SMARCA5: variants seen among roughly 807,000 people sequenced by gnomAD.
SMARCA5 encodes SNF2 related chromatin remodeling ATPase 5, also known as SWI/SNF-related matrix-associated actin-dependent regulator of chromatin subfamily A member 5.
Under a neutral mutation model 140.4 loss-of-function variants are expected in SMARCA5, and 18 were observed. The ratio of observed to expected loss-of-function variants is 0.13; its 90% CI spans 0.09 to 0.19. The LOEUF (loss-of-function observed/expected upper bound fraction) is 0.19, where lower values mean the gene tolerates loss of function less well. SMARCA5 is among the 10% of genes least tolerant of loss of function. The pLI is 1.00. For missense variants in SMARCA5, 606 were observed against 1,276.8 expected, an observed-to-expected ratio of 0.47 and a Z score of 8.01; for synonymous variants, 449 against 419.6, an observed-to-expected ratio of 1.07 and a Z score of -0.86.
intron 6 of SMARCA5, 47 bp from the exon 7 acceptor site, chr4:143,527,821 G>A (rs746624664): frequency 1.3e-6 from 2 of 1,504,514 alleles, no homozygotes; most frequent in Non-Finnish European, 1.8e-6. Context: ...TAAATGTAAT[G>A]CGTAGTTTAT....
intron 2 of SMARCA5, among the ~76,000 whole-genome samples, chr4:143,520,747 G>T (rs1011502371): frequency 1.3e-5 from 2 of 151,760 alleles, no homozygotes; most frequent in Non-Finnish European, 2.9e-5. Flanking sequence ...CTGCCTAATG[G>T]CTCCCAATTT....
intron 8 of SMARCA5, among the ~76,000 whole-genome samples, chr4:143,528,923 CATTATT>C (rs939853711): frequency 6.6e-6 from 1 of 151,736 alleles, no homozygotes; most frequent in Non-Finnish European, 1.5e-5. Context: ...AATCTTATTT[CATTATT>C]ATTATTATTA....
rs141190096 is a variant in SMARCA5 at position 143,538,272 on chromosome 4, T to C, written c.1496-318T>C. Among the ~76,000 whole-genome samples, 480 of 152,266 alleles carry C rather than the reference T, an allele frequency of 3.2e-3. 2 individuals carry two copies. Among genetic ancestry groups the C allele is most frequent in the African/African-American group, 0.011 (467 of 41,540 alleles). The stretch of plus-strand genomic sequence containing the variant: ...GGAGTCATATGCATTGAAGAGTTGT[T>C]GTGAAGTAGTGGAAAGTTATTTTTA... On this transcript the variant is annotated intron_variant, in intron 11 of 23. Coordinates refer to ENST00000283131, the MANE Select transcript of SMARCA5 (RefSeq NM_003601.4).
intron 23 of SMARCA5, among the ~76,000 whole-genome samples, 173 bp downstream of exon 23, chr4:143,550,277 G>T: frequency 7.4e-6 from 1 of 135,670 alleles, no homozygotes; most frequent in South Asian, 2.3e-4. Context: ...CATAATTTGA[G>T]ATTCTTCCAC....
chr4:143,529,217 G>C (rs889705331), intron 8 of SMARCA5, among the ~76,000 whole-genome samples: 4 of 152,106 alleles, frequency 2.6e-5, no homozygotes, highest in African/African-American at 9.7e-5. Context: ...TTACAGGCAC[G>C]AGCCACCACA....
At chr4:143,526,221 A>G (rs1737069322) in intron 5 of SMARCA5, 60 bp from the exon 6 acceptor site, 21 of 1,318,686 alleles carry the variant, frequency 1.6e-5, no homozygotes, top group Non-Finnish European at 2.1e-5. Flanking sequence ...GTTGGGAGGT[A>G]TAATTGTGAA....
chr4:143,525,207 G>A (rs993348906), intron 4 of SMARCA5, among the ~76,000 whole-genome samples: 1 of 152,206 alleles, frequency 6.6e-6, no homozygotes, highest in African/African-American at 2.4e-5. Context: ...CGTAAGAACT[G>A]AGTTGTTGGA....
Position 143,551,222 on chromosome 4 carries a change from T to G in SMARCA5, c.3093+1118T>G, listed in dbSNP as rs554919309. On this transcript the variant is annotated intron_variant, in intron 23 of 23. Coordinates refer to ENST00000283131, the MANE Select transcript of SMARCA5 (RefSeq NM_003601.4). ...TGTATGTCTTCCTTTGAGAATCATC[T>G]GTTCAGATCTTTTGCCTATTTTTAA... 6.6e-5 allele frequency among the ~76,000 whole-genome samples: 10 copies of G among 152,272 alleles called. No individual in the cohort carries two copies. The South Asian group carries it at 1.7e-3, about 25-fold the overall frequency.
intron 14 of SMARCA5, 142 bp downstream of exon 14, chr4:143,540,637 C>T (rs1217143753): frequency 5.5e-6 from 4 of 729,110 alleles, no homozygotes; most frequent in Non-Finnish European, 9.0e-6. Flanking sequence ...ATTGCAAATA[C>T]AGTAAACTTT....
At chr4:143,518,807 A>T (rs1736896079) in intron 2 of SMARCA5, among the ~76,000 whole-genome samples, 1 of 152,036 alleles carries the variant, frequency 6.6e-6, no homozygotes, top group Non-Finnish European at 1.5e-5. Context: ...TTTTAAAGTG[A>T]ATACTACTTT....
intron 17 of SMARCA5, 100 bp downstream of exon 17, chr4:143,544,947 CTTTTTTTTT>C (rs11289994): frequency 8.3e-6 from 3 of 361,480 alleles, no homozygotes; most frequent in South Asian, 5.2e-5. Context: ...TTTTGTGTTT[CTTTTTTTTT>C]TTTTTTTTTG....
intron 9 of SMARCA5, among the ~76,000 whole-genome samples, chr4:143,531,831 T>C (rs1263369970): frequency 6.6e-6 from 1 of 152,220 alleles, no homozygotes; most frequent in Non-Finnish European, 1.5e-5. Flanking sequence ...AGAATCCTTT[T>C]TCCTGGTCTC....
At position 143,526,368 on chromosome 4, in the gene SMARCA5, C is replaced by G; in HGVS notation, c.709C>G (p.Pro237Ala). 1.2e-6 allele frequency: 2 copies of G among 1,613,638 alleles called. No individual in the cohort carries two copies. Among genetic ancestry groups the G allele is most frequent in the Non-Finnish European group, 1.7e-6 (2 of 1,179,630 alleles). ...NIPGPHMVLV[P>A]KSTLHNWMSE... ...TCCTGGGCCTCATATGGTTTTGGTT[C>G]CTAAGTCTACATTACACAACTGGAT... Residue 237 changes from proline (P) to alanine (A), a missense_variant, in exon 6 of 24, where the codon CCT becomes GCT. Pro to Ala is a conservative substitution (Grantham distance 27). Transcript: ENST00000283131.
At chr4:143,543,015 C>G (rs1560820561) in intron 14 of SMARCA5, among the ~76,000 whole-genome samples, 1 of 152,144 alleles carries the variant, frequency 6.6e-6, no homozygotes, top group Non-Finnish European at 1.5e-5. Flanking sequence ...TTAGGAGTTT[C>G]AGTTCTTCTG....
intron 2 of SMARCA5, among the ~76,000 whole-genome samples, chr4:143,520,483 C>G (rs1736933832): frequency 6.6e-6 from 1 of 152,178 alleles, no homozygotes; most frequent in African/African-American, 2.4e-5. Context: ...GCAAATTGGG[C>G]TTCAGTTTTT....
At chr4:143,540,797 G>GATT in intron 14 of SMARCA5, among the ~76,000 whole-genome samples, 1 of 152,258 alleles carries the variant, frequency 6.6e-6, no homozygotes, top group Middle Eastern at 3.4e-3. Flanking sequence ...GATTTTAAAG[G>GATT]ATTAAAGGGG....
Position 143,550,122 on chromosome 4 carries a change from T to C in SMARCA5, c.3093+18T>C, listed in dbSNP as rs374034302. ...AGCCTTCAGTAAGTATTCATGAATA[T>C]GTAAATATGTGGATTATGTAAATTT... is the stretch of plus-strand genomic sequence containing the variant. On this transcript the variant is annotated intron_variant, in intron 23 of 23. Coordinates refer to ENST00000283131, the MANE Select transcript of SMARCA5 (RefSeq NM_003601.4). The C allele has an allele frequency of 4.3e-5, 57 of 1,336,026 alleles. No homozygotes were observed. In the African/African-American group the frequency reaches 6.9e-4, roughly 16 times the overall value. The allele number at this position is 1,336,026 out of a possible 1,614,324, so 82.8% of individuals were successfully genotyped here. A position where few individuals can be genotyped will look rare whatever the true frequency, so the allele number is the denominator to read the frequency against.
At chr4:143,547,349 T>C in intron 20 of SMARCA5, 36 bp from the exon 21 acceptor site, 1 of 1,050,930 alleles carries the variant, frequency 9.5e-7, no homozygotes, top group Admixed American at 2.1e-5. Context: ...GAAATAAAAA[T>C]ATAAATGATT....
In SMARCA5 at chr4:143,527,855, T is replaced by C. The variant is rs375812627; in HGVS notation, c.802-13T>C. 5.0e-6 allele frequency: 8 copies of C among 1,584,522 alleles called. No individual in the cohort carries two copies. Among genetic ancestry groups the C allele is most frequent in the Non-Finnish European group, 6.0e-6 (7 of 1,172,478 alleles). ...ATTTCTACGTGATGTAATTTTTTTC[T>C]CTTGTTACACAGGCTGCTTTTGTCA... On this transcript the variant is annotated splice_polypyrimidine_tract_variant and intron_variant, in intron 6 of 23. Coordinates refer to ENST00000283131, the MANE Select transcript of SMARCA5 (RefSeq NM_003601.4).
Sources: allele counts gnomAD v4.1 joint callset (sites outside exome capture counted in the v4.1 genomes callset), GRCh38; gene constraint gnomAD v4.1.1; transcripts MANE v1.5; gene names NCBI Gene and HGNC (gene_info 2026-07-23, HGNC 2026-07-21).